The following CEP85L variants were observed in gnomAD, a reference collection of about 807,000 sequenced individuals.
CEP85L encodes centrosomal protein 85L, also known as centrosomal protein of 85 kDa-like.
Under a neutral mutation model 100.3 loss-of-function variants are expected in CEP85L, and 60 were observed. That is an observed-to-expected ratio of 0.60 (90% CI 0.49 to 0.74). The LOEUF is 0.74. Ranked by LOEUF, CEP85L falls within the 30% of genes least tolerant of loss-of-function variation. CEP85L has a pLI of 0.00. For missense variants in CEP85L, 973 were observed against 936.2 expected (o/e 1.04, Z -0.51); for synonymous variants, 319 against 322.7 (o/e 0.99, Z 0.12).
At chr6:118,624,572 T>G (rs1017632626) in intron 2 of CEP85L, among the ~76,000 whole-genome samples, 5 of 152,174 alleles carry the variant, frequency 3.3e-5, no homozygotes, top group African/African-American at 1.2e-4. Flanking sequence ...GAAACACTGA[T>G]GTAGTCTACT....
chr6:118,685,050 T>C (rs78934740), intron 1 of CEP85L, among the ~76,000 whole-genome samples: 6,966 of 152,264 alleles, frequency 0.046, 320 homozygotes, highest in African/African-American at 0.1. Context: ...ATATACTAAT[T>C]ATTCCCAGCA....
chr6:118,570,056 C>T (rs1779793529), intron 2 of CEP85L, among the ~76,000 whole-genome samples: 1 of 152,050 alleles, frequency 6.6e-6, no homozygotes, highest in South Asian at 2.1e-4. Context: ...ACATACATAT[C>T]TAGATATGTA....
chr6:118,660,421 G>C (rs1439546375), intron 1 of CEP85L, among the ~76,000 whole-genome samples: 2 of 152,220 alleles, frequency 1.3e-5, no homozygotes, highest in Non-Finnish European at 2.9e-5. Flanking sequence ...CAGGAGCTGG[G>C]GGAGTTGGCA....
intron 2 of CEP85L, among the ~76,000 whole-genome samples, chr6:118,598,233 T>A (rs1275799823): frequency 1.3e-5 from 2 of 152,232 alleles, no homozygotes; most frequent in Non-Finnish European, 2.9e-5. Context: ...TTTAAAAAGA[T>A]CTCCACGCAC....
intron 3 of CEP85L, among the ~76,000 whole-genome samples, chr6:118,542,914 A>AAAC (rs1487156116): frequency 4.6e-5 from 7 of 150,640 alleles, no homozygotes; most frequent in African/African-American, 1.7e-4. Flanking sequence ...AAAAAAAAAA[A>AAAC]AAAAAAAAAC....
chr6:118,532,670 CA>C (rs1777362200), intron 3 of CEP85L, among the ~76,000 whole-genome samples: 1 of 152,066 alleles, frequency 6.6e-6, no homozygotes, highest in African/African-American at 2.4e-5. Context: ...TCTGAATCAT[CA>C]TAGAAAGGAT....
rs1464748336 is a variant in CEP85L, at chr6:118,491,588, A to G, written c.1437+98T>C. The G allele has an allele frequency of 2.7e-6, 4 of 1,498,236 alleles. No homozygotes were observed. The Admixed American group carries it at 7.3e-5, about 27-fold the overall frequency. The allele number at this position is 1,498,236 out of a possible 1,614,324, so 92.8% of individuals were successfully genotyped here. On this transcript the variant is annotated intron_variant, in intron 6 of 12. Transcript: ENST00000368491. ...TAATCACCTCCACATAAATGTATAC[A>G]TAACCTGGCATGACACCTGACAGGG...
chr6:118,469,067 C>A lies in CEP85L; in HGVS notation c.2254+5G>T. The A allele has an allele frequency of 6.3e-7, 1 of 1,597,884 alleles. No homozygotes were observed. The highest frequency in any genetic ancestry group is 8.6e-7 in the Non-Finnish European group (1 of 1,165,660). On this transcript the variant is annotated splice_donor_5th_base_variant and intron_variant, in intron 12 of 12. Coordinates refer to ENST00000368491, the MANE Select transcript of CEP85L (RefSeq NM_001042475.3). ...CAAAATAAGGACAAGTCATCAGACA[C>A]TTACATCTTATTCCCAGTAATAATG...
In CEP85L at chr6:118,629,117, G is replaced by C. The variant is rs113976604; in HGVS notation, c.232+3336C>G. On this transcript the variant is annotated intron_variant, in intron 2 of 12. Coordinates refer to ENST00000368491, the MANE Select transcript of CEP85L (RefSeq NM_001042475.3). ...ACTTACATTGTATTACGTATTGTAA[G>C]GAATCTAGAGATGATTTAAAGTATA... Among the ~76,000 whole-genome samples, 21 of 152,238 alleles carry C rather than the reference G, an allele frequency of 1.4e-4. 1 individual carries two copies. Among genetic ancestry groups the C allele is most frequent in the African/African-American group, 5.1e-4 (21 of 41,546 alleles).
chr6:118,493,392 G>A (rs1774700715), intron 5 of CEP85L, among the ~76,000 whole-genome samples: 1 of 152,134 alleles, frequency 6.6e-6, no homozygotes, highest in Non-Finnish European at 1.5e-5. Context: ...ATTCAATCTA[G>A]TGTCTAGACT....
intron 5 of CEP85L, among the ~76,000 whole-genome samples, chr6:118,496,356 T>TTTTTATTTTATTTTATTTTATTTTA (rs553361650): frequency 0.075 from 10,520 of 139,454 alleles, 573 homozygotes; most frequent in Middle Eastern, 0.098. Context: ...TATTTTATAT[T>TTTTTATTTTATTTTATTTTATTTTA]TTTTATTTTA....
At chr6:118,622,775 C>G (rs1436838367) in intron 2 of CEP85L, among the ~76,000 whole-genome samples, 1 of 152,176 alleles carries the variant, frequency 6.6e-6, no homozygotes, top group Non-Finnish European at 1.5e-5. Flanking sequence ...GTGCAGAAAC[C>G]CAAGAAGGCG....
chr6:118,528,921 C>T (rs1308565837), intron 3 of CEP85L, among the ~76,000 whole-genome samples: 1 of 152,120 alleles, frequency 6.6e-6, no homozygotes, highest in Non-Finnish European at 1.5e-5. Flanking sequence ...TAAAGGCATA[C>T]AGAAAAGGAA....
intron 2 of CEP85L, among the ~76,000 whole-genome samples, chr6:118,629,676 A>G (rs1328878782): frequency 6.6e-6 from 1 of 152,208 alleles, no homozygotes; most frequent in Non-Finnish European, 1.5e-5. Context: ...TACTCTTACC[A>G]CATGATCCAG....
At chr6:118,616,555 G>C (rs1260903333) in intron 2 of CEP85L, among the ~76,000 whole-genome samples, 2 of 151,296 alleles carry the variant, frequency 1.3e-5, no homozygotes, top group Non-Finnish European at 2.9e-5. Context: ...AAAAAAACAG[G>C]GAGTATGGGA....
intron 5 of CEP85L, among the ~76,000 whole-genome samples, chr6:118,495,306 T>C (rs1012905014): frequency 4.6e-5 from 7 of 152,096 alleles, no homozygotes; most frequent in Non-Finnish European, 1.0e-4. Context: ...ACGGTTTGGT[T>C]GTGTCCCCAC....
At chr6:118,512,982 T>C (rs972369151) in intron 4 of CEP85L, among the ~76,000 whole-genome samples, 10 of 152,206 alleles carry the variant, frequency 6.6e-5, no homozygotes, top group Non-Finnish European at 1.0e-4. Context: ...TCAGTTATTA[T>C]AACTATTCAT....
At chr6:118,475,701 A>G (rs1773318410) in intron 10 of CEP85L, among the ~76,000 whole-genome samples, 1 of 151,984 alleles carries the variant, frequency 6.6e-6, no homozygotes, top group East Asian at 1.9e-4. Context: ...TTGGCTTCTA[A>G]CTTCTGGAAA....
chr6:118,589,181 G>A (rs1338402787), intron 2 of CEP85L: 2 of 246,204 alleles, frequency 8.1e-6, no homozygotes, highest in Admixed American at 4.2e-5. Context: ...TAAAGAGTGG[G>A]GAAAGCTGAA....
Sources: gnomAD v4.1 joint callset for allele counts (sites outside exome capture counted in the v4.1 genomes callset) on GRCh38, gnomAD v4.1.1 for gene constraint, MANE v1.5 for transcripts, NCBI Gene and HGNC (gene_info 2026-07-23, HGNC 2026-07-21) for gene names.